DHRS4: variants seen among roughly 807,000 people sequenced by gnomAD.
The protein encoded by DHRS4 is dehydrogenase/reductase 4, also known as dehydrogenase/reductase SDR family member 4.
Under a neutral mutation model 28.4 loss-of-function variants are expected in DHRS4, and 20 were observed. The ratio of observed to expected loss-of-function variants is 0.71; its 90% confidence interval spans 0.50 to 1.02. DHRS4 has a LOEUF of 1.02. Among genes scored for constraint, DHRS4 ranks in the 50% least tolerant of loss-of-function variants. The pLI, the probability that DHRS4 is intolerant of heterozygous loss-of-function variation, is 0.00. For synonymous variants in DHRS4, 144 were observed against 146.4 expected (o/e 0.98, Z 0.12); for missense variants, 378 against 367.2 (o/e 1.03, Z -0.24).
At chr14:23,966,222 G>C (rs1030392148) in intron 5 of DHRS4, 61 bp from the exon 6 acceptor site, 4 of 1,583,142 alleles carry the variant, frequency 2.5e-6, no homozygotes, top group African/African-American at 2.7e-5. Context: ...TCTATGTCTA[G>C]TTATTAGAAC....
chr14:23,964,206 G>A (rs1394478402), intron 3 of DHRS4, among the ~76,000 whole-genome samples: 1 of 73,066 alleles, frequency 1.4e-5, no homozygotes, highest in Middle Eastern at 0.011. Context: ...GGGTTGCCAC[G>A]AAACTGCAAT....
At position 23,960,178 on chromosome 14, in the gene DHRS4, C is replaced by T. The variant is rs546384144; in HGVS notation, c.408+175C>T. 1.5e-3 allele frequency among the ~76,000 whole-genome samples: 231 copies of T among 152,082 alleles called. 3 individuals carry two copies. Among genetic ancestry groups the T allele is most frequent in the African/African-American group, 4.7e-3 (196 of 41,396 alleles). Reference sequence around the variant, plus strand: ...AAGGGCGGGTGGGGGTGGCTCTATCCCTGCCCTTCTCATTCGTTTCTGCTA... The same window carrying T: ...AAGGGCGGGTGGGGGTGGCTCTATCTCTGCCCTTCTCATTCGTTTCTGCTA... On this transcript the variant is annotated intron_variant, in intron 3 of 7. Coordinates refer to ENST00000313250, the MANE Select transcript of DHRS4 (RefSeq NM_021004.4).
At chr14:23,965,907 A>T (rs775576800) in intron 4 of DHRS4, 25 bp from the exon 5 acceptor site, 4 of 1,606,928 alleles carry the variant, frequency 2.5e-6, no homozygotes, top group South Asian at 2.2e-5. Flanking sequence ...CAATGGGAAG[A>T]TGGTCAGCTC....
rs1326139784 is a variant in DHRS4 at position 23,968,854 on chromosome 14, AC to A, written c.824del (p.Pro275ArgfsTer72). 1 of 1,605,668 alleles carries A rather than the reference AC, an allele frequency of 6.2e-7. No individual in the cohort carries two copies. Among genetic ancestry groups the A allele is most frequent in the African/African-American group, 1.3e-5 (1 of 74,580 alleles). On this transcript the variant is annotated frameshift_variant, in exon 8 of 8. Transcript: ENST00000313250. LOFTEE classifies it high-confidence loss of function. Reference sequence around the variant, plus strand: ...GGAAACAGTGGTGGTGGGTGGAGGAACCCCGTCCCGCCTCTGAGGACCGGGA... The same window carrying A: ...GGAAACAGTGGTGGTGGGTGGAGGAACCCGTCCCGCCTCTGAGGACCGGGA... Reference protein sequence around the residue: ...TGETVVVGGGTPSRL With the variant: ...TGETVVVGGGXPSRL
At chr14:23,960,744 G>A (rs1957688) in intron 3 of DHRS4, among the ~76,000 whole-genome samples, 46,316 of 151,886 alleles carry the variant, frequency 0.3, 10,555 homozygotes, top group African/African-American at 0.64. Context: ...ATGGTTCTGC[G>A]TTTTACACTG....
In DHRS4 at chr14:23,967,193, T is replaced by G; in HGVS notation, c.667-18T>G. 1 of 1,598,928 alleles carries G rather than the reference T, an allele frequency of 6.3e-7. No homozygotes were observed. Among genetic ancestry groups the G allele is most frequent in the Non-Finnish European group, 8.5e-7 (1 of 1,175,444 alleles). ...AAAAGAAAAAAAAAACATAAAGAGA[T>G]TTCCCTTCTTCCTGCAGCTCTGGAT... is the stretch of plus-strand genomic sequence containing the variant. On this transcript the variant is annotated intron_variant, in intron 6 of 7. Transcript: ENST00000313250.
At chr14:23,968,524 C>A (rs1282186210) in intron 7 of DHRS4, among the ~76,000 whole-genome samples, 1 of 150,998 alleles carries the variant, frequency 6.6e-6, no homozygotes, top group Non-Finnish European at 1.5e-5. Flanking sequence ...CGGTGTGTTT[C>A]TATAGTATTT....
In DHRS4 at chr14:23,961,762, C is replaced by T. The variant is rs190178790; in HGVS notation, c.408+1759C>T. On this transcript the variant is annotated intron_variant, in intron 3 of 7. Coordinates refer to ENST00000313250, the MANE Select transcript of DHRS4 (RefSeq NM_021004.4). ...TCCTGGCCTCAACTGATCCCCACAC[C>T]TCAGCCCCCCAAAATATTGGGATTG... Among the ~76,000 whole-genome samples the T allele has an allele frequency of 4.9e-4, 56 of 113,554 alleles. 1 individual carries two copies. The East Asian group carries it at 0.019, about 39-fold the overall frequency. The allele number at this position is 113,554 out of a possible 152,430, so 74.5% of individuals were successfully genotyped here.
chr14:23,962,532 G>C (rs1297299825), intron 3 of DHRS4, among the ~76,000 whole-genome samples: 2 of 151,810 alleles, frequency 1.3e-5, no homozygotes, highest in Non-Finnish European at 2.9e-5. Context: ...CAGCTCCTCA[G>C]CCATCTACAT....
At chr14:23,958,708 A>C (rs1255676531) in intron 2 of DHRS4, among the ~76,000 whole-genome samples, 1 of 152,216 alleles carries the variant, frequency 6.6e-6, no homozygotes, top group Non-Finnish European at 1.5e-5. Flanking sequence ...CTCCTGGGCA[A>C]CCAGTTTCCT....
At chr14:23,956,078 A>G (rs532211198) in intron 2 of DHRS4, among the ~76,000 whole-genome samples, 1 of 152,374 alleles carries the variant, frequency 6.6e-6, no homozygotes, top group South Asian at 2.1e-4. Flanking sequence ...AGACAGTAGT[A>G]TGGTAGACAG....
At chr14:23,958,351 C>A (rs1210649776) in intron 2 of DHRS4, among the ~76,000 whole-genome samples, 1 of 152,124 alleles carries the variant, frequency 6.6e-6, no homozygotes, top group Admixed American at 6.5e-5. Context: ...AAATCCGGAG[C>A]ACAAAGTTGA....
rs1566464646 is a variant in DHRS4, at chr14:23,953,856, G to C, written c.68G>C (p.Gly23Ala). Residue 23 changes from glycine (G) to alanine (A), a missense_variant, in exon 1 of 8, where the codon GGG becomes GCG. Physicochemically the swap from Gly to Ala is moderately conservative, Grantham distance 60 (BLOSUM62 0). Transcript: ENST00000313250. ...AWNSVRMASS[G>A]MTRRDPLANK... ...AATTCGGTGCGGATGGCCAGCTCCG[G>C]GATGACCCGCCGGGACCCGCTCGCA... The C allele has an allele frequency of 6.2e-7, 1 of 1,613,502 alleles. No homozygotes were observed. Among genetic ancestry groups the C allele is most frequent in the Middle Eastern group, 1.7e-4 (1 of 6,020 alleles).
At chr14:23,965,904 A>G (rs2033596666) in intron 4 of DHRS4, 28 bp from the exon 5 acceptor site, 2 of 1,606,790 alleles carry the variant, frequency 1.2e-6, no homozygotes, top group South Asian at 2.2e-5. Context: ...CCACAATGGG[A>G]AGATGGTCAG....
At chr14:23,955,974 C>G (rs964829310) in intron 2 of DHRS4, among the ~76,000 whole-genome samples, 1 of 152,148 alleles carries the variant, frequency 6.6e-6, no homozygotes, top group African/African-American at 2.4e-5. Flanking sequence ...GAGAATCTAC[C>G]CAAAAATGGA....
intron 1 of DHRS4, among the ~76,000 whole-genome samples, chr14:23,954,551 G>A (rs1016283639): frequency 6.6e-6 from 1 of 152,252 alleles, no homozygotes; most frequent in Admixed American, 6.5e-5. Context: ...TGCAAAATGT[G>A]TAACTCTTCC....
At chr14:23,960,038 G>A (rs1566472655) in intron 3 of DHRS4, 35 bp downstream of exon 3, 3 of 1,582,652 alleles carry the variant, frequency 1.9e-6, no homozygotes, top group East Asian at 4.5e-5. Flanking sequence ...GCCGGGGGGG[G>A]CGCCTTGGAA....
At chr14:23,959,346 C>T (rs6573488) in intron 2 of DHRS4, among the ~76,000 whole-genome samples, 30,694 of 151,932 alleles carry the variant, frequency 0.2, 7,647 homozygotes, top group African/African-American at 0.6. Flanking sequence ...TGGCTTGAGC[C>T]CAGGAGTTCC....
intron 3 of DHRS4, among the ~76,000 whole-genome samples, chr14:23,964,246 AAAAAAAAACAC>A (rs2033531817): frequency 7.1e-6 from 1 of 140,862 alleles, no homozygotes. Context: ...AAAAAAAAAA[AAAAAAAAACAC>A]AATATCTGCA....
Sources: gnomAD v4.1 joint callset for allele counts (sites outside exome capture counted in the v4.1 genomes callset) on GRCh38, gnomAD v4.1.1 for gene constraint, MANE v1.5 for transcripts, NCBI Gene and HGNC (gene_info 2026-07-23, HGNC 2026-07-21) for gene names.